Variants in SNX3 observed in about 807,000 individuals in gnomAD.
SNX3 encodes the protein sorting nexin 3.
In SNX3, 5 loss-of-function variants were observed where a neutral mutation model predicts 17.7. The ratio of observed to expected loss-of-function variants is 0.28; its 90% CI spans 0.15 to 0.59. The LOEUF is 0.59. Among genes scored for constraint, SNX3 ranks in the 20% least tolerant of loss-of-function variants. SNX3 has a pLI of 0.88. For synonymous variants in SNX3, 91 were observed against 76.5 expected, an observed-to-expected ratio of 1.19 and a Z score of -0.99; for missense variants, 132 against 206.8, an observed-to-expected ratio of 0.64 and a Z score of 2.22.
At chr6:108,222,312 G>A in intron 2 of SNX3, 1 of 1,304,078 alleles carries the variant, frequency 7.7e-7, no homozygotes, top group Non-Finnish European at 1.0e-6. Context: ...ATGTCATTCT[G>A]AGGCAGGGCT....
chr6:108,259,344 C>T (rs560808266), intron 1 of SNX3, among the ~76,000 whole-genome samples: 54 of 152,332 alleles, frequency 3.5e-4, no homozygotes, highest in Admixed American at 3.1e-3. Context: ...AGAGATTCTC[C>T]GGCCTCAGCC....
intron 1 of SNX3, among the ~76,000 whole-genome samples, chr6:108,227,744 A>G (rs899410192): frequency 1.3e-5 from 2 of 152,164 alleles, no homozygotes; most frequent in Admixed American, 1.3e-4. Context: ...AGCCTGTTAA[A>G]CGTCTTCCTC....
At chr6:108,251,675 C>G (rs768198829) in intron 1 of SNX3, among the ~76,000 whole-genome samples, 2 of 152,182 alleles carry the variant, frequency 1.3e-5, no homozygotes, top group Non-Finnish European at 1.5e-5. Context: ...GAGAACAGCC[C>G]AAACTCTATA....
At chr6:108,217,023 T>C (rs1774606967) in intron 2 of SNX3, among the ~76,000 whole-genome samples, 1 of 152,112 alleles carries the variant, frequency 6.6e-6, no homozygotes, top group Non-Finnish European at 1.5e-5. Context: ...TACGTTCCAG[T>C]AGAATGGCTA....
At chr6:108,255,589 T>C (rs1039298930) in intron 1 of SNX3, among the ~76,000 whole-genome samples, 3 of 152,154 alleles carry the variant, frequency 2.0e-5, no homozygotes, top group African/African-American at 7.2e-5. Flanking sequence ...TGAGCTCAAG[T>C]AGTCCTCCCA....
At position 108,254,996 on chromosome 6, in the gene SNX3, T is replaced by C. The variant is rs368705871; in HGVS notation, c.162+5764A>G. Among the ~76,000 whole-genome samples the C allele has an allele frequency of 4.5e-4, 69 of 152,362 alleles. 1 individual carries two copies. In the South Asian group the frequency reaches 0.014, roughly 30 times the overall value. On this transcript the variant is annotated intron_variant, in intron 1 of 3. Coordinates refer to ENST00000230085, the MANE Select transcript of SNX3 (RefSeq NM_003795.6). ...GATCAGCTTCTACAGGAATATTATC[T>C]ACTCTGCTTGGTTACCTCAAGATTA...
Position 108,260,881 on chromosome 6 carries a change from T to C in SNX3, c.41A>G (p.Lys14Arg), listed in dbSNP as rs1302584353. ...TVADTRRLIT[K>R]PQNLNDAYGP... ...GTAGGCGTCATTCAGGTTCTGCGGC[T>C]TGGTGATCAGCCGCCGGGTGTCAGC... Residue 14 changes from lysine (K) to arginine (R), a missense_variant, in exon 1 of 4, where the codon AAG becomes AGG. By Grantham distance (26) the Lys-to-Arg change is conservative (BLOSUM62 2). Coordinates refer to ENST00000230085, the MANE Select transcript of SNX3 (RefSeq NM_003795.6). 6.2e-7 allele frequency: 1 copy of C among 1,611,050 alleles called. No homozygotes were observed. Among genetic ancestry groups the C allele is most frequent in the African/African-American group, 1.3e-5 (1 of 74,438 alleles).
At chr6:108,258,700 G>A (rs889360477) in intron 1 of SNX3, among the ~76,000 whole-genome samples, 5 of 151,830 alleles carry the variant, frequency 3.3e-5, no homozygotes, top group Non-Finnish European at 5.9e-5. Context: ...GTGGGGAAGG[G>A]GTTTCAACGT....
intron 2 of SNX3, among the ~76,000 whole-genome samples, chr6:108,215,680 T>A (rs1337500735): frequency 6.6e-6 from 1 of 151,770 alleles, no homozygotes; most frequent in Non-Finnish European, 1.5e-5. Flanking sequence ...GTGGCTCACA[T>A]CTGCAATCCC....
chr6:108,232,608 T>A (rs1775203207), intron 1 of SNX3, among the ~76,000 whole-genome samples: 2 of 152,216 alleles, frequency 1.3e-5, no homozygotes, highest in Admixed American at 1.3e-4. Flanking sequence ...TAGGTGTTTC[T>A]AGTATTTCTT....
intron 2 of SNX3, chr6:108,222,165 T>G (rs1371834324): frequency 8.0e-7 from 1 of 1,250,352 alleles, no homozygotes; most frequent in Non-Finnish European, 1.0e-6. Context: ...TTATTAAACT[T>G]GAGAAATGAG....
At chr6:108,249,967 G>A (rs572617648) in intron 1 of SNX3, among the ~76,000 whole-genome samples, 1 of 152,170 alleles carries the variant, frequency 6.6e-6, no homozygotes, top group Non-Finnish European at 1.5e-5. Context: ...CTGGAGTGCA[G>A]TGGTGTGATC....
chr6:108,245,583 G>A (rs925937398), intron 1 of SNX3, among the ~76,000 whole-genome samples: 5 of 152,204 alleles, frequency 3.3e-5, no homozygotes, highest in African/African-American at 1.2e-4. Flanking sequence ...CAGTGTAAAA[G>A]CGTTCCTATT....
chr6:108,214,075 T>C (rs1774490085), intron 3 of SNX3, among the ~76,000 whole-genome samples: 1 of 152,200 alleles, frequency 6.6e-6, no homozygotes, highest in African/African-American at 2.4e-5. Context: ...CATTTTACCA[T>C]GAAAATTAAA....
chr6:108,236,667 C>T (rs187295698), intron 1 of SNX3, among the ~76,000 whole-genome samples: 1,598 of 152,058 alleles, frequency 0.011, 37 homozygotes, highest in South Asian at 0.088. Context: ...GGATTACAGG[C>T]GTGAGCCACC....
At chr6:108,235,423 CTG>C (rs1206687827) in intron 1 of SNX3, among the ~76,000 whole-genome samples, 2 of 152,210 alleles carry the variant, frequency 1.3e-5, no homozygotes, top group Non-Finnish European at 2.9e-5. Context: ...CCTGACCAAA[CTG>C]TAGAACTGTA....
Position 108,214,637 on chromosome 6 carries a change from C to T in SNX3, c.259-15G>A. 6.2e-7 allele frequency: 1 copy of T among 1,606,866 alleles called. No homozygotes were observed. Among genetic ancestry groups the T allele is most frequent in the South Asian group, 1.1e-5 (1 of 89,736 alleles). The stretch of plus-strand genomic sequence containing the variant: ...GGAACTACGACCTAAAATGTGAAGA[C>T]AGAAACTCCTTGATCATGATGACTG... On this transcript the variant is annotated splice_polypyrimidine_tract_variant and intron_variant, in intron 2 of 3. Coordinates refer to ENST00000230085, the MANE Select transcript of SNX3 (RefSeq NM_003795.6).
At chr6:108,256,928 C>G (rs1776050024) in intron 1 of SNX3, among the ~76,000 whole-genome samples, 1 of 152,146 alleles carries the variant, frequency 6.6e-6, no homozygotes, top group Non-Finnish European at 1.5e-5. Context: ...CCCAGAGATA[C>G]TAATCAAGTG....
Position 108,212,050 on chromosome 6 carries a change from TG to T in SNX3, c.*98del. The T allele has an allele frequency of 1.6e-6, 1 of 643,400 alleles. No individual in the cohort carries two copies. Among genetic ancestry groups the T allele is most frequent in the South Asian group, 1.9e-5 (1 of 52,316 alleles). 39.9% of individuals were successfully genotyped at this position (643,400 alleles called of 1,614,324 possible). A position where few individuals can be genotyped will look rare whatever the true frequency, so the allele number is the denominator to read the frequency against. The stretch of plus-strand genomic sequence containing the variant: ...TATGAGTGTTAGTATACTGAAGGCA[TG>T]TTATACCAGTTTCTGTGCAGCATGC... On this transcript the variant is annotated 3_prime_UTR_variant, in exon 4 of 4. Coordinates refer to ENST00000230085, the MANE Select transcript of SNX3 (RefSeq NM_003795.6).
Sources: gnomAD v4.1 joint callset for allele counts (sites outside exome capture counted in the v4.1 genomes callset) on GRCh38, gnomAD v4.1.1 for gene constraint, MANE v1.5 for transcripts, NCBI Gene and HGNC (gene_info 2026-07-23, HGNC 2026-07-21) for gene names.